The following WWOX variants were observed in gnomAD, a reference collection of about 807,000 sequenced individuals.
WWOX encodes the protein WW domain containing oxidoreductase, also known as WW domain-containing oxidoreductase.
A neutral mutation model predicts 46.2 loss-of-function variants in WWOX; 69 were observed. That is an observed-to-expected ratio of 1.49 (90% CI 1.23 to 1.82). The LOEUF (loss-of-function observed/expected upper bound fraction) is 1.82. Among genes scored for constraint, WWOX ranks in the 40% most tolerant of loss-of-function variants. WWOX has a pLI of 0.00. For synonymous variants in WWOX, 359 were observed against 202.6 expected (o/e 1.77, Z -6.56); for missense variants, 919 against 542.6 (o/e 1.69, Z -6.89).
chr16:78,366,720 A>T (rs4888793), intron 5 of WWOX, among the ~76,000 whole-genome samples: 2 of 151,966 alleles, frequency 1.3e-5, no homozygotes, highest in African/African-American at 4.8e-5. Context: ...TAAAATGCTT[A>T]CTATCTGGCC....
chr16:78,450,285 T>C (rs1433164702), intron 8 of WWOX, among the ~76,000 whole-genome samples: 2 of 152,180 alleles, frequency 1.3e-5, no homozygotes, highest in Admixed American at 1.3e-4. Flanking sequence ...ATCTCTTGAA[T>C]CATTTACATT....
At chr16:78,600,962 C>T (rs572831895) in intron 8 of WWOX, among the ~76,000 whole-genome samples, 10 of 152,264 alleles carry the variant, frequency 6.6e-5, no homozygotes, top group African/African-American at 1.9e-4. Context: ...CAAGAGACTG[C>T]CTTTCCTACT....
chr16:79,057,934 C>T (rs1354504807), intron 8 of WWOX, among the ~76,000 whole-genome samples: 1 of 152,098 alleles, frequency 6.6e-6, no homozygotes, highest in African/African-American at 2.4e-5. Flanking sequence ...CCATCATTAT[C>T]AGTGGCCAAA....
intron 8 of WWOX, among the ~76,000 whole-genome samples, chr16:78,865,641 A>G (rs551018311): frequency 6.6e-6 from 1 of 152,256 alleles, no homozygotes; most frequent in African/African-American, 2.4e-5. Context: ...GCACTTTGGG[A>G]GGCTGAGGTG....
chr16:78,469,946 T>C (rs550933970), intron 8 of WWOX, among the ~76,000 whole-genome samples: 2 of 152,346 alleles, frequency 1.3e-5, no homozygotes, highest in East Asian at 1.9e-4. Flanking sequence ...GACATCTACA[T>C]TGTATGTTGG....
chr16:79,123,814 C>G (rs1228337052), intron 8 of WWOX, among the ~76,000 whole-genome samples: 2 of 152,116 alleles, frequency 1.3e-5, no homozygotes, highest in Admixed American at 1.3e-4. Context: ...CAATTCATAT[C>G]CCCGTGCCAT....
intron 8 of WWOX, among the ~76,000 whole-genome samples, chr16:78,991,669 C>G (rs1157316248): frequency 6.7e-6 from 1 of 149,638 alleles, no homozygotes; most frequent in African/African-American, 2.5e-5. Flanking sequence ...TGTTTTCACT[C>G]CCTCAGAACC....
chr16:79,012,231 A>G (rs2047325142), intron 8 of WWOX, among the ~76,000 whole-genome samples: 1 of 151,982 alleles, frequency 6.6e-6, no homozygotes, highest in Middle Eastern at 3.4e-3. Context: ...AACTAGTATG[A>G]CATCTTAATT....
intron 5 of WWOX, among the ~76,000 whole-genome samples, chr16:78,354,441 C>T (rs921389046): frequency 1.6e-4 from 25 of 151,746 alleles, no homozygotes; most frequent in African/African-American, 5.6e-4. Context: ...CCCGTTAATC[C>T]GCTCATTACT....
At chr16:78,500,019 G>T (rs1567608326) in intron 8 of WWOX, among the ~76,000 whole-genome samples, 1 of 152,172 alleles carries the variant, frequency 6.6e-6, no homozygotes, top group Non-Finnish European at 1.5e-5. Context: ...GAAGAAGTGG[G>T]TCAAAACCTG....
chr16:78,390,905 A>T (rs536498113), intron 6 of WWOX, among the ~76,000 whole-genome samples: 40 of 152,212 alleles, frequency 2.6e-4, no homozygotes, highest in Non-Finnish European at 5.3e-4. Context: ...GGATGCTCTT[A>T]TTTAATATGC....
intron 5 of WWOX, among the ~76,000 whole-genome samples, chr16:78,186,799 T>G (rs1468304155): frequency 6.6e-6 from 1 of 152,184 alleles, no homozygotes; most frequent in Non-Finnish European, 1.5e-5. Context: ...TGTTTTAAAA[T>G]AAGTTTAGAT....
chr16:78,218,931 C>T (rs999986300), intron 5 of WWOX, among the ~76,000 whole-genome samples: 4 of 152,190 alleles, frequency 2.6e-5, no homozygotes, highest in Non-Finnish European at 5.9e-5. Context: ...TTTATCGTTG[C>T]AATTAGATGC....
At chr16:79,178,767 C>T (rs895172797) in intron 8 of WWOX, among the ~76,000 whole-genome samples, 20 of 152,122 alleles carry the variant, frequency 1.3e-4, no homozygotes, top group Admixed American at 9.2e-4. Flanking sequence ...AACGTTTGGT[C>T]GACTAATTTT....
At chr16:78,853,015 A>G (rs1210793936) in intron 8 of WWOX, among the ~76,000 whole-genome samples, 1 of 152,200 alleles carries the variant, frequency 6.6e-6, no homozygotes, top group African/African-American at 2.4e-5. Flanking sequence ...GGGGTCATAC[A>G]GATAATTAGT....
At chr16:79,157,390 CTG>C (rs1030191245) in intron 8 of WWOX, among the ~76,000 whole-genome samples, 10 of 150,644 alleles carry the variant, frequency 6.6e-5, no homozygotes, top group African/African-American at 2.4e-4. Context: ...GTCTCATAAA[CTG>C]TGTCTCAGTT....
At chr16:79,090,847 G>A (rs2048945094) in intron 8 of WWOX, among the ~76,000 whole-genome samples, 2 of 152,182 alleles carry the variant, frequency 1.3e-5, no homozygotes, top group Non-Finnish European at 2.9e-5. Flanking sequence ...CATCTGGAGT[G>A]CAGCGGCATG....
chr16:79,115,306 A>G (rs554302408), intron 8 of WWOX, among the ~76,000 whole-genome samples: 3 of 152,322 alleles, frequency 2.0e-5, no homozygotes, highest in South Asian at 2.1e-4. Flanking sequence ...GAAACTTTCA[A>G]TGTATACTTC....
intron 8 of WWOX, among the ~76,000 whole-genome samples, chr16:78,618,021 C>A (rs142958316): frequency 6.6e-6 from 1 of 152,228 alleles, no homozygotes; most frequent in Non-Finnish European, 1.5e-5. Flanking sequence ...CTGCTATGAG[C>A]CAGATGTAGT....
Sources: allele counts gnomAD v4.1 joint callset (sites outside exome capture counted in the v4.1 genomes callset), GRCh38; gene constraint gnomAD v4.1.1; transcripts MANE v1.5; gene names NCBI Gene and HGNC (gene_info 2026-07-23, HGNC 2026-07-21).